FGF14: variants seen among roughly 807,000 people sequenced by gnomAD.
FGF14 encodes fibroblast growth factor homologous factor 4.
In FGF14, 5 loss-of-function variants were observed where a neutral mutation model predicts 25.5. The observed-to-expected ratio is 0.20, with a 90% confidence interval of 0.10 to 0.41. The LOEUF is 0.41. FGF14 is among the 10% of genes least tolerant of loss of function. FGF14 has a pLI of 1.00. For missense variants in FGF14, 222 were observed against 320.1 expected, an observed-to-expected ratio of 0.69 and a Z score of 2.34; for synonymous variants, 138 against 118.3, an observed-to-expected ratio of 1.17 and a Z score of -1.08.
chr13:101,918,766 G>T (rs532363914), upstream of FGF14, among the ~76,000 whole-genome samples: 2 of 152,328 alleles, frequency 1.3e-5, no homozygotes, highest in South Asian at 4.1e-4. Context: ...GCAACCTGAT[G>T]AGAGTGTGTA....
intron 3 of FGF14, among the ~76,000 whole-genome samples, chr13:101,834,746 G>T (rs2042841054): frequency 6.6e-6 from 1 of 152,056 alleles, no homozygotes; most frequent in South Asian, 2.1e-4. Context: ...AAACCTCCTA[G>T]ATGTCAATGG....
intron 1 of FGF14, among the ~76,000 whole-genome samples, chr13:102,115,104 T>C (rs1193737807): frequency 6.6e-6 from 1 of 152,114 alleles, no homozygotes. Context: ...AGGTAAATGA[T>C]TTAGAGGGCT....
At chr13:102,263,366 T>C (rs2052816693) in intron 1 of FGF14, among the ~76,000 whole-genome samples, 1 of 152,174 alleles carries the variant, frequency 6.6e-6, no homozygotes, top group African/African-American at 2.4e-5. Context: ...TTATGTAGTA[T>C]CATAATTTGA....
chr13:101,782,103 T>C (rs894976954), intron 3 of FGF14, among the ~76,000 whole-genome samples: 1 of 152,222 alleles, frequency 6.6e-6, no homozygotes, highest in Non-Finnish European at 1.5e-5. Context: ...TAATGTCTAC[T>C]GAATATTCTC....
intron 3 of FGF14, among the ~76,000 whole-genome samples, chr13:101,821,650 G>C (rs2042162322): frequency 6.6e-6 from 1 of 152,180 alleles, no homozygotes; most frequent in African/African-American, 2.4e-5. Flanking sequence ...CAACTGACAT[G>C]CCAATAGCCG....
At chr13:101,859,256 T>C (rs1451461809) in intron 3 of FGF14, among the ~76,000 whole-genome samples, 3 of 152,118 alleles carry the variant, frequency 2.0e-5, no homozygotes, top group African/African-American at 7.2e-5. Flanking sequence ...AAAAACTCCC[T>C]ACATAGCTGT....
rs575418881 is a variant in FGF14 at position 101,970,293 on chromosome 13, G to T, written c.209-94997C>A. Among the ~76,000 whole-genome samples the T allele has an allele frequency of 3.3e-5, 5 of 152,242 alleles. No individual in the cohort carries two copies. The East Asian group carries it at 9.7e-4, about 29-fold the overall frequency. ...ATTCAATTCAATTTATTCCCAGTAT[G>T]GGTTTAAAATTAATTGCCCTTATAT... On this transcript the variant is annotated intron_variant, in intron 1 of 4. Coordinates refer to the FGF14 transcript ENST00000376131.
At chr13:102,150,694 A>G (rs146946969) in intron 1 of FGF14, among the ~76,000 whole-genome samples, 312 of 152,276 alleles carry the variant, frequency 2.0e-3, no homozygotes, top group South Asian at 0.012. Context: ...ATTCCTCAAA[A>G]CATCTTTCTC....
In FGF14 at chr13:102,171,788, T is replaced by C. The variant is rs115368454; in HGVS notation, c.208+229683A>G. Among the ~76,000 whole-genome samples, 1,437 of 152,128 alleles carry C rather than the reference T, an allele frequency of 9.4e-3. 23 individuals are homozygous for C. The highest frequency in any genetic ancestry group is 0.032 in the African/African-American group (1,313 of 41,540). ...TATTTTTATGAGAGCTGTTATCCTC[T>C]TAAGAAACACTACAAGATACCAAGA... On this transcript the variant is annotated intron_variant, in intron 1 of 4. Coordinates refer to the FGF14 transcript ENST00000376131.
At chr13:101,736,126 A>G (rs1456009990) in intron 3 of FGF14, among the ~76,000 whole-genome samples, 1 of 152,198 alleles carries the variant, frequency 6.6e-6, no homozygotes, top group African/African-American at 2.4e-5. Flanking sequence ...TTTTAAGGAC[A>G]CTTCAGACTC....
intron 1 of FGF14, among the ~76,000 whole-genome samples, chr13:102,233,111 A>G (rs1312418321): frequency 6.6e-5 from 10 of 151,848 alleles, no homozygotes; most frequent in Non-Finnish European, 8.8e-5. Context: ...AGCATTCCTC[A>G]GCGTCTAATA....
At chr13:102,249,986 GC>G (rs1244903761) in intron 1 of FGF14, among the ~76,000 whole-genome samples, 1 of 151,998 alleles carries the variant, frequency 6.6e-6, no homozygotes, top group Non-Finnish European at 1.5e-5. Flanking sequence ...CCTGGACCAG[GC>G]CCAGCCACAA....
chr13:102,222,469 T>C (rs868658154), intron 1 of FGF14, among the ~76,000 whole-genome samples: 1 of 152,194 alleles, frequency 6.6e-6, no homozygotes, highest in Non-Finnish European at 1.5e-5. Flanking sequence ...CCTTGACCAA[T>C]GGTTTGCCAT....
intron 1 of FGF14, among the ~76,000 whole-genome samples, chr13:101,940,998 GA>G (rs202160091): frequency 1.3e-5 from 2 of 150,432 alleles, no homozygotes; most frequent in African/African-American, 2.4e-5. Flanking sequence ...CTAAGACTTA[GA>G]AAAAAAAACA....
intron 1 of FGF14, among the ~76,000 whole-genome samples, chr13:102,045,539 C>G (rs1321449804): frequency 2.0e-5 from 3 of 151,960 alleles, no homozygotes; most frequent in African/African-American, 7.3e-5. Context: ...CATGAAAATT[C>G]CTTAACAAGC....
intron 3 of FGF14, among the ~76,000 whole-genome samples, chr13:101,835,189 A>G (rs1332201568): frequency 6.6e-6 from 1 of 152,048 alleles, no homozygotes; most frequent in Non-Finnish European, 1.5e-5. Flanking sequence ...ATAAAGTAAT[A>G]GTGCTGCTTC....
chr13:102,170,580 G>A (rs148408400), intron 1 of FGF14, among the ~76,000 whole-genome samples: 4 of 152,190 alleles, frequency 2.6e-5, no homozygotes, highest in South Asian at 2.1e-4. Flanking sequence ...GTGAAAGGCC[G>A]ACAATGACCA....
chr13:102,281,912 C>T (rs902949865), intron 1 of FGF14, among the ~76,000 whole-genome samples: 2 of 152,106 alleles, frequency 1.3e-5, no homozygotes, highest in African/African-American at 4.8e-5. Flanking sequence ...GATCATTTCT[C>T]TACTAGGCAC....
chr13:101,926,499 G>C (rs1044651868), intron 1 of FGF14, among the ~76,000 whole-genome samples: 17 of 152,076 alleles, frequency 1.1e-4, no homozygotes, highest in Non-Finnish European at 2.4e-4. Context: ...GCATCGCTCA[G>C]AAAAAAACGT....
Sources: allele counts gnomAD v4.1 joint callset (sites outside exome capture counted in the v4.1 genomes callset), GRCh38; gene constraint gnomAD v4.1.1; transcripts MANE v1.5; gene names NCBI Gene and HGNC (gene_info 2026-07-23, HGNC 2026-07-21).